Variants in FOXP1 observed in about 807,000 individuals in gnomAD.
The protein encoded by FOXP1 is forkhead box protein P1.
FOXP1 carries 15 observed loss-of-function variants against 98.2 expected under a neutral mutation model. That is an observed-to-expected ratio of 0.15 (90% CI 0.10 to 0.24). The LOEUF (loss-of-function observed/expected upper bound fraction) is 0.24. FOXP1 is among the 10% of genes least tolerant of loss of function. The pLI is 1.00. For missense variants in FOXP1, 633 were observed against 848.5 expected, an observed-to-expected ratio of 0.75 and a Z score of 3.15; for synonymous variants, 371 against 314.5, an observed-to-expected ratio of 1.18 and a Z score of -1.90.
intron 6 of FOXP1, among the ~76,000 whole-genome samples, chr3:71,136,318 C>T (rs1441659392): frequency 2.0e-5 from 3 of 152,198 alleles, no homozygotes; most frequent in Non-Finnish European, 4.4e-5. Context: ...GTTTATTACT[C>T]CTTTAGCATA....
In FOXP1 at chr3:71,428,627, C is replaced by T. The variant is rs544995176; in HGVS notation, c.-168+64799G>A. ...TTGAGAGTCCATTGTTCTAAAGAGG[C>T]CCCCCTATGAAATGTCTTTCATGCC... On this transcript the variant is annotated intron_variant, in intron 3 of 20. Transcript: ENST00000649528. 4.6e-5 allele frequency among the ~76,000 whole-genome samples: 7 copies of T among 152,276 alleles called. No individual in the cohort carries two copies. In the South Asian group the frequency reaches 1.2e-3, roughly 27 times the overall value.
intron 2 of FOXP1, among the ~76,000 whole-genome samples, chr3:71,516,008 A>C (rs1376008654): frequency 6.6e-6 from 1 of 152,240 alleles, no homozygotes; most frequent in Admixed American, 6.5e-5. Context: ...ACGCTCATTA[A>C]ATACAAACTT....
intron 6 of FOXP1, among the ~76,000 whole-genome samples, chr3:71,184,428 T>A (rs1481187983): frequency 1.3e-5 from 2 of 152,226 alleles, no homozygotes; most frequent in Admixed American, 1.3e-4. Flanking sequence ...TAGGGTTCTG[T>A]AGTTAGAAGA....
At chr3:71,282,745 C>T (rs1014521485) in intron 5 of FOXP1, among the ~76,000 whole-genome samples, 5 of 152,176 alleles carry the variant, frequency 3.3e-5, no homozygotes, top group Non-Finnish European at 7.3e-5. Flanking sequence ...ATCATCTTCA[C>T]AGCATTCCTA....
intron 3 of FOXP1, among the ~76,000 whole-genome samples, chr3:71,405,554 G>A (rs549918188): frequency 6.6e-6 from 1 of 152,162 alleles, no homozygotes; most frequent in African/African-American, 2.4e-5. Context: ...TGTTGGCTAG[G>A]AGGCCAGGTA....
At chr3:71,504,733 C>A (rs2041677849) in intron 2 of FOXP1, among the ~76,000 whole-genome samples, 1 of 152,124 alleles carries the variant, frequency 6.6e-6, no homozygotes, top group African/African-American at 2.4e-5. Flanking sequence ...AGAAAAGTGT[C>A]ACGGAGCCCA....
intron 4 of FOXP1, among the ~76,000 whole-genome samples, chr3:71,306,295 G>A (rs555915726): frequency 3.2e-4 from 48 of 152,120 alleles, no homozygotes; most frequent in African/African-American, 1.1e-3. Context: ...GAACTCACTC[G>A]TGGGGCGGGG....
intron 2 of FOXP1, chr3:71,570,583 C>T (rs1284992454): frequency 1.3e-5 from 2 of 152,126 alleles, no homozygotes; most frequent in Non-Finnish European, 2.9e-5. Flanking sequence ...CACAGGTGTT[C>T]GAAAATACAG....
chr3:71,552,495 T>C (rs2045852991), intron 2 of FOXP1, among the ~76,000 whole-genome samples: 1 of 151,904 alleles, frequency 6.6e-6, no homozygotes, highest in African/African-American at 2.4e-5. Flanking sequence ...AGATAAATTT[T>C]TCTGAGGTAA....
rs572669259 is a variant in FOXP1, at chr3:71,192,450, G to C, written c.180+5752C>G. The stretch of plus-strand genomic sequence containing the variant: ...GCAATAAGCACCTTCATCCAGTGGT[G>C]GTTGCTGCCAGTACAGACACCAACA... On this transcript the variant is annotated intron_variant, in intron 6 of 20. Coordinates refer to ENST00000649528, the MANE Select transcript of FOXP1 (RefSeq NM_001349338.3). Among the ~76,000 whole-genome samples, 87 of 152,242 alleles carry C rather than the reference G, an allele frequency of 5.7e-4. 1 individual carries two copies. Among genetic ancestry groups the C allele is most frequent in the African/African-American group, 2.0e-3 (84 of 41,538 alleles).
intron 5 of FOXP1, among the ~76,000 whole-genome samples, chr3:71,294,196 G>C (rs1560257435): frequency 6.6e-6 from 1 of 152,168 alleles, no homozygotes; most frequent in Non-Finnish European, 1.5e-5. Context: ...CTAGATGGTT[G>C]CAACTCTGAA....
intron 3 of FOXP1, among the ~76,000 whole-genome samples, chr3:71,388,072 C>G (rs2080730036): frequency 6.6e-6 from 1 of 152,124 alleles, no homozygotes. Context: ...CCAATGCAGC[C>G]AGTGGATTTC....
chr3:71,246,564 G>A (rs1045209573), intron 5 of FOXP1, among the ~76,000 whole-genome samples: 2 of 152,100 alleles, frequency 1.3e-5, no homozygotes, highest in African/African-American at 2.4e-5. Context: ...TGCAACTCAT[G>A]TTTTATTAAA....
At chr3:71,160,178 T>C (rs186370563) in intron 6 of FOXP1, among the ~76,000 whole-genome samples, 1 of 152,072 alleles carries the variant, frequency 6.6e-6, no homozygotes, top group African/African-American at 2.4e-5. Context: ...CACTGCCGTG[T>C]ATGTATTTCT....
Position 71,088,751 on chromosome 3 carries a change from A to G in FOXP1, c.282+23785T>C, listed in dbSNP as rs544581688. On this transcript the variant is annotated intron_variant, in intron 7 of 20. Coordinates refer to ENST00000649528, the MANE Select transcript of FOXP1 (RefSeq NM_001349338.3). The stretch of plus-strand genomic sequence containing the variant: ...TAAAATCACTCTGAGATTATCTTTG[A>G]AGGTCTTACAGCTTTGAGAATATGC... 3.3e-5 allele frequency among the ~76,000 whole-genome samples: 5 copies of G among 152,320 alleles called. No homozygotes were observed. The South Asian group carries it at 1.0e-3, about 32-fold the overall frequency.
At chr3:71,270,139 G>A (rs2070193659) in intron 5 of FOXP1, among the ~76,000 whole-genome samples, 1 of 152,146 alleles carries the variant, frequency 6.6e-6, no homozygotes, top group South Asian at 2.1e-4. Context: ...TTCCTTGTTA[G>A]CAGCCTCCCC....
intron 12 of FOXP1, among the ~76,000 whole-genome samples, chr3:71,007,040 C>T (rs2042896132): frequency 6.6e-6 from 1 of 152,024 alleles, no homozygotes; most frequent in Non-Finnish European, 1.5e-5. Flanking sequence ...CCACTTTGAC[C>T]TCTTCGAGTA....
At chr3:71,247,669 T>C (rs1178781792) in intron 5 of FOXP1, among the ~76,000 whole-genome samples, 1 of 152,208 alleles carries the variant, frequency 6.6e-6, no homozygotes, top group African/African-American at 2.4e-5. Context: ...CTGCCCAACA[T>C]CCATGCTCCC....
chr3:70,972,225 G>A (rs914912815), intron 18 of FOXP1: 2 of 1,477,582 alleles, frequency 1.4e-6, no homozygotes, highest in Admixed American at 2.4e-5. Context: ...GCAACAAAAG[G>A]AGACGGGGTT....
Sources: allele counts gnomAD v4.1 joint callset (sites outside exome capture counted in the v4.1 genomes callset), GRCh38; gene constraint gnomAD v4.1.1; transcripts MANE v1.5; gene names NCBI Gene and HGNC (gene_info 2026-07-23, HGNC 2026-07-21).